The following LGR5 variants were observed in gnomAD, a reference collection of about 807,000 sequenced individuals.
The protein encoded by LGR5 is leucine rich repeat containing G protein-coupled receptor 5, also known as leucine-rich repeat-containing G protein-coupled receptor 5.
A neutral mutation model predicts 76.7 loss-of-function variants in LGR5; 54 were observed. The ratio of observed to expected loss-of-function variants is 0.70; its 90% CI spans 0.57 to 0.88. The LOEUF (loss-of-function observed/expected upper bound fraction) is 0.88, where lower values mean the gene tolerates loss of function less well. LGR5 is among the 40% of genes least tolerant of loss of function. The pLI is 0.00. For synonymous variants in LGR5, 406 were observed against 421.9 expected, an observed-to-expected ratio of 0.96 and a Z score of 0.46; for missense variants, 1,078 against 1,073.3, an observed-to-expected ratio of 1.00 and a Z score of -0.06.
chr12:71,504,516 C>A lies in LGR5; in HGVS notation c.213-98C>A, dbSNP rs893804587. 7 of 914,410 alleles carry A rather than the reference C, an allele frequency of 7.7e-6. No individual in the cohort carries two copies. In the Admixed American group the frequency reaches 8.5e-5, roughly 11 times the overall value. 56.6% of individuals were successfully genotyped at this position (914,410 alleles called of 1,614,324 possible). ...CATTTGTCAAGCAGGGGAATGAGTT[C>A]ATTTTACTGTATTGTTTGGAAATGT... On this transcript the variant is annotated intron_variant, in intron 1 of 17. Transcript: ENST00000266674.
intron 3 of LGR5, among the ~76,000 whole-genome samples, chr12:71,531,015 TG>T (rs71437185): frequency 8.6e-6 from 1 of 116,438 alleles, no homozygotes; most frequent in Middle Eastern, 4.4e-3. Context: ...AAAAAAAAAG[TG>T]GGGGAGGGAC....
At chr12:71,487,074 C>A (rs1873863184) in intron 1 of LGR5, among the ~76,000 whole-genome samples, 1 of 152,120 alleles carries the variant, frequency 6.6e-6, no homozygotes, top group Non-Finnish European at 1.5e-5. Flanking sequence ...ACAAGATGAA[C>A]AACCCAGCAT....
At chr12:71,558,393 T>C (rs1877884941) in intron 6 of LGR5, among the ~76,000 whole-genome samples, 1 of 152,196 alleles carries the variant, frequency 6.6e-6, no homozygotes, top group Admixed American at 6.5e-5. Flanking sequence ...CATGTGAGTC[T>C]TATTGTCTCC....
At chr12:71,550,229 C>A (rs1187326300) in intron 4 of LGR5, among the ~76,000 whole-genome samples, 5 of 151,918 alleles carry the variant, frequency 3.3e-5, no homozygotes, top group African/African-American at 1.2e-4. Flanking sequence ...CGGCTCACTG[C>A]AACCTCCACC....
chr12:71,512,465 T>C (rs1169562882), intron 2 of LGR5, among the ~76,000 whole-genome samples: 2 of 152,230 alleles, frequency 1.3e-5, no homozygotes, highest in Non-Finnish European at 2.9e-5. Flanking sequence ...TAGAATCGCC[T>C]AGCACACTTT....
intron 1 of LGR5, among the ~76,000 whole-genome samples, chr12:71,469,829 C>T (rs1378724764): frequency 2.0e-5 from 3 of 152,146 alleles, no homozygotes; most frequent in African/African-American, 7.2e-5. Context: ...CTCCCCGCCG[C>T]CCCACCCGCC....
chr12:71,561,730 A>T, intron 7 of LGR5, 51 bp from the exon 8 acceptor site: 1 of 1,119,202 alleles, frequency 8.9e-7, no homozygotes, highest in Non-Finnish European at 1.3e-6. Flanking sequence ...GGCCTCTATT[A>T]AATAATTTTA....
At chr12:71,445,375 G>A (rs1157269848) in intron 1 of LGR5, among the ~76,000 whole-genome samples, 6 of 152,142 alleles carry the variant, frequency 3.9e-5, no homozygotes, top group Admixed American at 2.0e-4. Context: ...TATTTTTGAT[G>A]TATCTTGGTA....
At chr12:71,485,641 G>C (rs551189240) in intron 1 of LGR5, among the ~76,000 whole-genome samples, 1 of 152,230 alleles carries the variant, frequency 6.6e-6, no homozygotes, top group East Asian at 1.9e-4. Context: ...GAGGCAGAAG[G>C]ATTGCTCAAG....
At chr12:71,553,530 T>C (rs1284197886) in intron 5 of LGR5, among the ~76,000 whole-genome samples, 1 of 152,178 alleles carries the variant, frequency 6.6e-6, no homozygotes, top group Non-Finnish European at 1.5e-5. Context: ...ATATGACCTG[T>C]GCCTTAGAGA....
At chr12:71,458,246 C>G (rs73331808) in intron 1 of LGR5, among the ~76,000 whole-genome samples, 3,683 of 152,100 alleles carry the variant, frequency 0.024, 154 homozygotes, top group African/African-American at 0.084. Flanking sequence ...TAATCTCCTG[C>G]GCTAGGGTTC....
chr12:71,455,888 A>G (rs1872451802), intron 1 of LGR5, among the ~76,000 whole-genome samples: 1 of 152,182 alleles, frequency 6.6e-6, no homozygotes, highest in East Asian at 1.9e-4. Context: ...TTATGAAAAT[A>G]CTCAATTCTG....
chr12:71,465,632 A>C (rs1872834422), intron 1 of LGR5, among the ~76,000 whole-genome samples: 2 of 152,164 alleles, frequency 1.3e-5, no homozygotes, highest in South Asian at 4.1e-4. Flanking sequence ...CAGCTGCATA[A>C]ACTTCCTTTC....
intron 1 of LGR5, among the ~76,000 whole-genome samples, chr12:71,481,467 A>G (rs34006724): frequency 0.09 from 13,633 of 152,188 alleles, 652 homozygotes; most frequent in Non-Finnish European, 0.11. Context: ...TAGTGTATAT[A>G]TGCCACATTT....
chr12:71,484,417 T>A (rs1370255216), intron 1 of LGR5, among the ~76,000 whole-genome samples: 1 of 152,216 alleles, frequency 6.6e-6, no homozygotes, highest in African/African-American at 2.4e-5. Context: ...TTTGAGCTTT[T>A]AAATCTGTTT....
chr12:71,460,918 A>G (rs1300198323), intron 1 of LGR5, among the ~76,000 whole-genome samples: 1 of 152,158 alleles, frequency 6.6e-6, no homozygotes, highest in African/African-American at 2.4e-5. Flanking sequence ...AGCACTCTCA[A>G]CTAGGCTGTT....
At chr12:71,547,677 G>A (rs1877254589) in intron 4 of LGR5, among the ~76,000 whole-genome samples, 1 of 152,268 alleles carries the variant, frequency 6.6e-6, no homozygotes, top group Admixed American at 6.5e-5. Context: ...TTAAATGACA[G>A]TATCTTGACT....
chr12:71,456,670 T>C (rs1049576297), intron 1 of LGR5, among the ~76,000 whole-genome samples: 1 of 151,012 alleles, frequency 6.6e-6, no homozygotes, highest in South Asian at 2.1e-4. Flanking sequence ...TTATAGTAAA[T>C]AAATAAAGAA....
intron 4 of LGR5, among the ~76,000 whole-genome samples, chr12:71,542,571 T>G (rs867598576): frequency 6.6e-6 from 1 of 151,992 alleles, no homozygotes; most frequent in Non-Finnish European, 1.5e-5. Flanking sequence ...ACGGTGGAGA[T>G]GAAGAAAGGG....
Sources: allele counts gnomAD v4.1 joint callset (sites outside exome capture counted in the v4.1 genomes callset), GRCh38; gene constraint gnomAD v4.1.1; transcripts MANE v1.5; gene names NCBI Gene and HGNC (gene_info 2026-07-23, HGNC 2026-07-21).